Variants in LMTK2 observed in about 807,000 individuals in gnomAD.
LMTK2 encodes the protein lemur tail kinase 2.
In LMTK2, 37 loss-of-function variants were observed where a neutral mutation model predicts 127.5. The observed-to-expected ratio is 0.29, with a 90% CI of 0.22 to 0.38. LMTK2 has a LOEUF of 0.38. Among genes scored for constraint, LMTK2 ranks in the 10% least tolerant of loss-of-function variants. The pLI is 1.00. For missense variants in LMTK2, 1,694 were observed against 1,920.3 expected, an observed-to-expected ratio of 0.88 and a Z score of 2.20; for synonymous variants, 819 against 810.1, an observed-to-expected ratio of 1.01 and a Z score of -0.19.
intron 6 of LMTK2, among the ~76,000 whole-genome samples, chr7:98,169,465 C>T (rs1222507350): frequency 2.6e-5 from 4 of 152,232 alleles, no homozygotes; most frequent in Non-Finnish European, 2.9e-5. Context: ...AGTTCACTGC[C>T]TGCCAGCAGC....
chr7:98,154,997 CAT>C lies in LMTK2; in HGVS notation c.569+123_569+124del, dbSNP rs1796907506. 12 of 634,400 alleles carry C rather than the reference CAT, an allele frequency of 1.9e-5. No individual in the cohort carries two copies. In the East Asian group the frequency reaches 3.3e-4, roughly 17 times the overall value. The allele number at this position is 634,400 out of a possible 1,614,324, so 39.3% of individuals were successfully genotyped here. ...CATGATTAAGTAAGTTCCAAGGTCTCATAAGACCTAAAATGTCCAGGCGTCAT... is the reference window on the plus strand; with the variant it reads ...CATGATTAAGTAAGTTCCAAGGTCTCAAGACCTAAAATGTCCAGGCGTCAT... On this transcript the variant is annotated intron_variant, in intron 5 of 13. Transcript: ENST00000297293.
At chr7:98,108,247 G>A (rs917657055) in intron 1 of LMTK2, among the ~76,000 whole-genome samples, 6 of 152,148 alleles carry the variant, frequency 3.9e-5, no homozygotes, top group African/African-American at 1.4e-4. Flanking sequence ...TTCGTTGTAG[G>A]CAGAGCCCCA....
At position 98,194,632 on chromosome 7, in the gene LMTK2, T is replaced by C. The variant is rs1315686962; in HGVS notation, c.4107+60T>C. ...TCCATATAAGGATTCCAAAATGTGC[T>C]AGGAAATTGAGTGTGGTCTGTTTTC... On this transcript the variant is annotated intron_variant, in intron 11 of 13. Coordinates refer to ENST00000297293, the MANE Select transcript of LMTK2 (RefSeq NM_014916.4). The surrounding 1 kb of genome is among the most constrained non-coding windows in gnomAD (Gnocchi z 5.4). The C allele has an allele frequency of 7.0e-7, 1 of 1,431,836 alleles. No individual in the cohort carries two copies. Among genetic ancestry groups the C allele is most frequent in the Admixed American group, 2.3e-5 (1 of 44,130 alleles). 88.7% of individuals were successfully genotyped at this position (1,431,836 alleles called of 1,614,324 possible). A position where few individuals can be genotyped will look rare whatever the true frequency, so the allele number is the denominator to read the frequency against.
chr7:98,153,910 T>A (rs570710009), intron 4 of LMTK2, among the ~76,000 whole-genome samples: 44 of 152,314 alleles, frequency 2.9e-4, no homozygotes, highest in African/African-American at 8.4e-4. Flanking sequence ...GAATTTCTTG[T>A]TCTCCATTTT....
At position 98,192,581 on chromosome 7, in the gene LMTK2, A is replaced by T; in HGVS notation, c.2116A>T (p.Met706Leu). ...SEPLCLSDNL[M>L]HQDNFDPLNV... ...GCCTCTCTGCCTATCAGATAATCTT[A>T]TGCACCAAGATAATTTTGATCCATT... The change falls in exon 11 of 14, where the codon ATG becomes TTG. Residue 706 changes from methionine to leucine, a missense_variant. Physicochemically the swap from Met to Leu is conservative, Grantham distance 15. This residue lies in a region of LMTK2 where 527 missense variants were observed against 539.8 expected (regional missense o/e 0.98). Transcript: ENST00000297293. 1 of 1,613,332 alleles carries T rather than the reference A, an allele frequency of 6.2e-7. No homozygotes were observed. Among genetic ancestry groups the T allele is most frequent in the Non-Finnish European group, 8.5e-7 (1 of 1,179,826 alleles).
At chr7:98,176,582 C>T (rs1584282283) in intron 7 of LMTK2, among the ~76,000 whole-genome samples, 3 of 152,310 alleles carry the variant, frequency 2.0e-5, no homozygotes, top group African/African-American at 7.2e-5. Context: ...CAGTGGCTCA[C>T]ACCTGTAATC....
intron 3 of LMTK2, among the ~76,000 whole-genome samples, chr7:98,149,678 CTCTT>C (rs1193836383): frequency 2.6e-5 from 4 of 152,156 alleles, no homozygotes; most frequent in Non-Finnish European, 5.9e-5. Context: ...GTAGAATAAA[CTCTT>C]TATAATCTTT....
At chr7:98,199,349 A>T (rs1439143902) in intron 11 of LMTK2, among the ~76,000 whole-genome samples, 1 of 151,836 alleles carries the variant, frequency 6.6e-6, no homozygotes, top group East Asian at 1.9e-4. Context: ...TTCTCTTTTC[A>T]TTTCTGTTTA....
At chr7:98,158,313 C>T (rs1277469287) in intron 5 of LMTK2, among the ~76,000 whole-genome samples, 3 of 152,086 alleles carry the variant, frequency 2.0e-5, no homozygotes, top group Non-Finnish European at 4.4e-5. Flanking sequence ...CTTGTTTTGT[C>T]CCCCGGGCTG....
chr7:98,186,919 C>A lies in LMTK2; in HGVS notation c.919C>A (p.Arg307=), dbSNP rs1562918584. The A allele has an allele frequency of 1.2e-6, 2 of 1,613,106 alleles. No homozygotes were observed. The highest frequency in any genetic ancestry group is 2.7e-5 in the African/African-American group (2 of 74,914). ...ETDDKKVFPL[R]WTAPELVTSF... ...AGATGATAAAAAAGTTTTCCCTCTG[C>A]GATGGACTGCTCCAGAATTAGTAAC... Residue 307 remains arginine, a synonymous_variant, in exon 9 of 14, where the codon CGA becomes AGA. Transcript: ENST00000297293.
chr7:98,120,680 C>G (rs1796348145), intron 1 of LMTK2, among the ~76,000 whole-genome samples: 1 of 152,168 alleles, frequency 6.6e-6, no homozygotes, highest in South Asian at 2.1e-4. Flanking sequence ...TCTTTCCTGG[C>G]AATTTGCCCC....
intron 7 of LMTK2, among the ~76,000 whole-genome samples, chr7:98,175,410 G>A (rs1252764947): frequency 6.6e-6 from 1 of 152,194 alleles, no homozygotes; most frequent in African/African-American, 2.4e-5. Flanking sequence ...TGGGAGATAA[G>A]AATAGAGACA....
intron 1 of LMTK2, among the ~76,000 whole-genome samples, chr7:98,107,586 C>G (rs1400421447): frequency 1.3e-5 from 2 of 152,214 alleles, no homozygotes; most frequent in African/African-American, 4.8e-5. Flanking sequence ...ATATCGCTTC[C>G]TGGCAGTTCA....
At chr7:98,147,349 G>A (rs1796789364) in intron 3 of LMTK2, among the ~76,000 whole-genome samples, 1 of 151,976 alleles carries the variant, frequency 6.6e-6, no homozygotes, top group Non-Finnish European at 1.5e-5. Flanking sequence ...CTCCCAAGTA[G>A]CTGGGACTAC....
chr7:98,189,661 G>A (rs1797492827), intron 9 of LMTK2, among the ~76,000 whole-genome samples: 1 of 152,168 alleles, frequency 6.6e-6, no homozygotes, highest in Non-Finnish European at 1.5e-5. Context: ...TGGTGGGGAG[G>A]AAATGCAGAG....
chr7:98,171,825 C>G lies in LMTK2; in HGVS notation c.791+151C>G. 3 of 827,138 alleles carry G rather than the reference C, an allele frequency of 3.6e-6. No homozygotes were observed. The highest frequency in any genetic ancestry group is 5.4e-6 in the Non-Finnish European group (3 of 559,904). The allele number at this position is 827,138 out of a possible 1,614,324, so 51.2% of individuals were successfully genotyped here. A position where few individuals can be genotyped will look rare whatever the true frequency, so the allele number is the denominator to read the frequency against. On this transcript the variant is annotated intron_variant, in intron 7 of 13. Coordinates refer to ENST00000297293, the MANE Select transcript of LMTK2 (RefSeq NM_014916.4). This position sits in a 1 kb window ranked among gnomAD's most constrained non-coding sequence, Gnocchi z 5.1. ...AAGCGATCTCGTTCTTACCCATGTCCGGATAAGGGTTGAGTTGGGCTTCAT... is the reference window on the plus strand; with the variant it reads ...AAGCGATCTCGTTCTTACCCATGTCGGGATAAGGGTTGAGTTGGGCTTCAT...
chr7:98,150,541 A>G (rs1316160378), intron 3 of LMTK2, among the ~76,000 whole-genome samples: 1 of 152,190 alleles, frequency 6.6e-6, no homozygotes, highest in East Asian at 1.9e-4. Context: ...TTGTCCCTAG[A>G]AAGATTTGCA....
intron 11 of LMTK2, among the ~76,000 whole-genome samples, chr7:98,199,138 GTCTT>G (rs1797672865): frequency 6.6e-6 from 1 of 152,124 alleles, no homozygotes; most frequent in Non-Finnish European, 1.5e-5. Flanking sequence ...CCAGGATATG[GTCTT>G]TCTTGGTGAA....
Position 98,194,402 on chromosome 7 carries a change from G to A in LMTK2, c.3937G>A (p.Glu1313Lys), listed in dbSNP as rs1012203765. ...TAGCCTCAGCTCCGAGTCGGAGGACGAGACCGAGCACCCCGTGCCCATCAT... is the reference window on the plus strand; with the variant it reads ...TAGCCTCAGCTCCGAGTCGGAGGACAAGACCGAGCACCCCGTGCCCATCAT... ...LHSLSSESED[E>K]TEHPVPIILS... is the part of the protein sequence containing the mutation. The change falls in exon 11 of 14, where the codon GAG becomes AAG. Residue 1313 changes from glutamate to lysine, a missense_variant. Transcript: ENST00000297293. The surrounding 1 kb of genome is among the most constrained non-coding windows in gnomAD (Gnocchi z 5.4). The A allele has an allele frequency of 6.8e-6, 11 of 1,614,028 alleles. No individual in the cohort carries two copies. Among genetic ancestry groups the A allele is most frequent in the African/African-American group, 6.7e-5 (5 of 74,914 alleles).
Sources: gnomAD v4.1 joint callset for allele counts (sites outside exome capture counted in the v4.1 genomes callset) on GRCh38, gnomAD v4.1.1 for gene constraint, gnomAD v4.1.1 regional missense constraint, Gnocchi (gnomAD v3.1) non-coding constraint, MANE v1.5 for transcripts, NCBI Gene and HGNC (gene_info 2026-07-23, HGNC 2026-07-21) for gene names.